Variants in INPP5D observed in about 807,000 individuals in gnomAD.
INPP5D encodes inositol polyphosphate-5-phosphatase D, also known as phosphatidylinositol 3,4,5-trisphosphate 5-phosphatase 1.
INPP5D carries 33 observed loss-of-function variants against 122.9 expected under a neutral mutation model. The ratio of observed to expected loss-of-function variants is 0.27; its 90% CI spans 0.20 to 0.36. The LOEUF is 0.36. Ranked by LOEUF, INPP5D falls within the 10% of genes least tolerant of loss-of-function variation. The probability of loss-of-function intolerance (pLI) is 1.00; values close to 1 mark genes in which losing one functional copy is unlikely to be tolerated. For synonymous variants in INPP5D, 584 were observed against 576.2 expected (o/e 1.01, Z -0.19); for missense variants, 1,053 against 1,412.7 (o/e 0.75, Z 4.08).
Position 233,094,510 on chromosome 2 carries a change from CCCAAAAAAAAAAA to C in INPP5D, c.198+15113_198+15125del, listed in dbSNP as rs1308088368. Reference sequence around the variant, plus strand: ...CTTGGGCAATAGAGCAAGACTCCATCCCAAAAAAAAAAAAAAAAAAAAAAAAAAAAAATTCTAA... The same window carrying C: ...CTTGGGCAATAGAGCAAGACTCCATCAAAAAAAAAAAAAAAAAAATTCTAA... On this transcript the variant is annotated intron_variant, in intron 2 of 26. Transcript: ENST00000445964. Among the ~76,000 whole-genome samples the C allele has an allele frequency of 1.7e-3, 48 of 27,798 alleles. 3 individuals are homozygous for C. The highest frequency in any genetic ancestry group is 1.8e-3 in the Non-Finnish European group (25 of 13,598). 18.2% of individuals were successfully genotyped at this position (27,798 alleles called of 152,430 possible). A position where few individuals can be genotyped will look rare whatever the true frequency, so the allele number is the denominator to read the frequency against.
intron 1 of INPP5D, among the ~76,000 whole-genome samples, chr2:233,061,700 A>G (rs557147001): frequency 6.6e-6 from 1 of 152,312 alleles, no homozygotes; most frequent in African/African-American, 2.4e-5. Context: ...AGGTCCTGTT[A>G]AAAGCCCCAC....
intron 4 of INPP5D, 116 bp from the exon 5 acceptor site, chr2:233,130,392 G>T (rs554143581): frequency 7.4e-5 from 82 of 1,111,616 alleles, no homozygotes; most frequent in Admixed American, 5.5e-4. Context: ...CTGAAGGACG[G>T]TGTCCCCTTG....
At chr2:233,134,201 T>C (rs1371778780) in intron 5 of INPP5D, 6 of 347,968 alleles carry the variant, frequency 1.7e-5, no homozygotes, top group African/African-American at 1.1e-4. Context: ...GGGCTACATT[T>C]GGCTTGAGGG....
chr2:233,169,860 A>G, intron 14 of INPP5D, 166 bp from the exon 15 acceptor site: 1 of 1,326,824 alleles, frequency 7.5e-7, no homozygotes, highest in Non-Finnish European at 1.0e-6. Flanking sequence ...GCTGTGCCAT[A>G]TTTGCACACT....
At chr2:233,202,758 C>T (rs571604743) in intron 25 of INPP5D, among the ~76,000 whole-genome samples, 93 of 152,354 alleles carry the variant, frequency 6.1e-4, no homozygotes, top group Middle Eastern at 6.8e-3. Flanking sequence ...TCCCATTTCT[C>T]GTTCTCATAG....
chr2:233,154,312 C>T (rs1477933085), intron 9 of INPP5D, among the ~76,000 whole-genome samples: 1 of 152,160 alleles, frequency 6.6e-6, no homozygotes, highest in African/African-American at 2.4e-5. Context: ...CCATGCCCGG[C>T]TAATTTTTGT....
At chr2:233,069,329 G>A (rs896282481) in intron 1 of INPP5D, among the ~76,000 whole-genome samples, 3 of 152,100 alleles carry the variant, frequency 2.0e-5, no homozygotes, top group Admixed American at 1.3e-4. Context: ...CTGATAAACA[G>A]CAATGTCCTG....
chr2:233,118,819 C>G (rs777974720), intron 2 of INPP5D, among the ~76,000 whole-genome samples: 1 of 152,240 alleles, frequency 6.6e-6, no homozygotes, highest in Non-Finnish European at 1.5e-5. Context: ...CCATTATCAG[C>G]TTGCCACCTG....
intron 2 of INPP5D, among the ~76,000 whole-genome samples, chr2:233,084,890 A>T (rs1314320552): frequency 6.6e-6 from 1 of 152,194 alleles, no homozygotes; most frequent in Non-Finnish European, 1.5e-5. Context: ...TTATGCTCTG[A>T]CACTCACCTT....
chr2:233,115,122 C>G (rs1692750545), intron 2 of INPP5D, among the ~76,000 whole-genome samples: 1 of 152,236 alleles, frequency 6.6e-6, no homozygotes, highest in African/African-American at 2.4e-5. Flanking sequence ...CCGCCTCAGC[C>G]TCCCAAAGTG....
chr2:233,079,373 A>G lies in INPP5D; in HGVS notation c.173A>G (p.Asn58Ser). ...NCVYTYRILP[N>S]EDDKFTVQAS... ...GTTTACACTTACAGAATTCTGCCCA[A>G]TGAAGATGATAAATTCACTGTTCAG... Residue 58 changes from asparagine (N) to serine (S), a missense_variant, in exon 2 of 27, where the codon AAT becomes AGT. This residue lies in a region of INPP5D where 74 missense variants were observed against 146.6 expected (regional missense o/e 0.50). Transcript: ENST00000445964. The G allele has an allele frequency of 1.9e-6, 3 of 1,605,006 alleles. No homozygotes were observed. Among genetic ancestry groups the G allele is most frequent in the Non-Finnish European group, 1.7e-6 (2 of 1,171,750 alleles).
rs375044485 is a variant in INPP5D at position 233,170,603 on chromosome 2, C to T, written c.1899C>T (p.Phe633=). 49 of 1,612,698 alleles carry T rather than the reference C, an allele frequency of 3.0e-5. 1 individual carries two copies. Among genetic ancestry groups the T allele is most frequent in the East Asian group, 1.3e-4 (6 of 44,804 alleles). The part of the protein sequence containing the change: ...ERREQKVFLH[F]EEEEITFAPT... ...GGGAGCAGAAGGTCTTCCTACACTT[C>T]GGTAAGAGCAGCAACCCCGGCTGGG... The change falls in exon 16 of 27, where the codon TTC becomes TTT. Residue 633 remains phenylalanine (F), a splice_region_variant and synonymous_variant. Coordinates refer to ENST00000445964, the MANE Select transcript of INPP5D (RefSeq NM_001017915.3). The surrounding 1 kb of genome is among the most constrained non-coding windows in gnomAD (Gnocchi z 4.5).
intron 14 of INPP5D, 30 bp downstream of exon 14, chr2:233,169,431 G>A (rs1228658326): frequency 1.3e-6 from 2 of 1,565,586 alleles, no homozygotes; most frequent in Non-Finnish European, 8.7e-7. Context: ...CCAAGAGTGT[G>A]CATTTGGGCT....
chr2:233,202,373 A>C (rs1326184510), intron 25 of INPP5D, among the ~76,000 whole-genome samples: 1 of 152,180 alleles, frequency 6.6e-6, no homozygotes, highest in African/African-American at 2.4e-5. Flanking sequence ...AGGCCCCAGC[A>C]TTTCTATGTA....
At chr2:233,098,585 G>A (rs1216855043) in intron 2 of INPP5D, among the ~76,000 whole-genome samples, 1 of 152,182 alleles carries the variant, frequency 6.6e-6, no homozygotes, top group East Asian at 1.9e-4. Context: ...ATACATGGAA[G>A]CCTCAACTGT....
At chr2:233,185,740 A>T in intron 20 of INPP5D, 103 bp from the exon 21 acceptor site, 179 of 741,132 alleles carry the variant, frequency 2.4e-4, no homozygotes, top group Non-Finnish European at 2.9e-4. Context: ...AAAAAAAAGG[A>T]GAGAGCACAT....
intron 2 of INPP5D, among the ~76,000 whole-genome samples, chr2:233,095,265 G>A (rs1692105580): frequency 6.6e-6 from 1 of 152,204 alleles, no homozygotes; most frequent in African/African-American, 2.4e-5. Context: ...ACATAAGAGT[G>A]TTGAGATAGA....
chr2:233,129,462 G>C (rs1275917220), intron 4 of INPP5D, among the ~76,000 whole-genome samples: 2 of 152,224 alleles, frequency 1.3e-5, no homozygotes, highest in African/African-American at 4.8e-5. Context: ...AATGCAGACA[G>C]CTGATCCGAC....
intron 2 of INPP5D, among the ~76,000 whole-genome samples, chr2:233,097,271 A>C (rs1304724975): frequency 6.6e-6 from 1 of 152,190 alleles, no homozygotes; most frequent in Non-Finnish European, 1.5e-5. Context: ...CTTATCTGGC[A>C]GACTAAGTTC....
Sources: allele counts gnomAD v4.1 joint callset (sites outside exome capture counted in the v4.1 genomes callset), GRCh38; gene constraint gnomAD v4.1.1; regional missense constraint gnomAD v4.1.1; non-coding constraint Gnocchi (gnomAD v3.1); transcripts MANE v1.5; gene names NCBI Gene and HGNC (gene_info 2026-07-23, HGNC 2026-07-21).